The following RGS21 variants were observed in gnomAD, a reference collection of about 807,000 sequenced individuals.
RGS21 encodes the protein regulator of G-protein signalling 21.
In RGS21, 19 loss-of-function variants were observed where a neutral mutation model predicts 18.7. The ratio of observed to expected loss-of-function variants is 1.01; its 90% CI spans 0.71 to 1.49. The LOEUF (loss-of-function observed/expected upper bound fraction) is 1.49, where lower values mean the gene tolerates loss of function less well. Among genes scored for constraint, RGS21 ranks in the 40% most tolerant of loss-of-function variants. The pLI is 0.00. For synonymous variants in RGS21, 56 were observed against 57.8 expected, an observed-to-expected ratio of 0.97 and a Z score of 0.14; for missense variants, 194 against 176.8, an observed-to-expected ratio of 1.10 and a Z score of -0.55.
intron 4 of RGS21, among the ~76,000 whole-genome samples, chr1:192,363,205 C>T (rs1470054483): frequency 6.6e-6 from 1 of 152,030 alleles, no homozygotes; most frequent in African/African-American, 2.4e-5. Context: ...CCATGAATGC[C>T]AAAATCATGG....
intron 1 of RGS21, among the ~76,000 whole-genome samples, chr1:192,333,137 A>C (rs145374641): frequency 6.6e-6 from 1 of 152,098 alleles, no homozygotes; most frequent in African/African-American, 2.4e-5. Context: ...CGATCTAGGT[A>C]ATAGAACAGA....
chr1:192,343,927 C>T (rs1022562762), intron 2 of RGS21, among the ~76,000 whole-genome samples: 1 of 152,016 alleles, frequency 6.6e-6, no homozygotes, highest in Non-Finnish European at 1.5e-5. Context: ...TCAACCAAGT[C>T]AGTAGAGTTT....
At chr1:192,330,361 T>G (rs1236257007) in intron 1 of RGS21, among the ~76,000 whole-genome samples, 1 of 152,082 alleles carries the variant, frequency 6.6e-6, no homozygotes, top group Admixed American at 6.5e-5. Flanking sequence ...TATGGACAGA[T>G]GTATGAAATG....
intron 1 of RGS21, among the ~76,000 whole-genome samples, chr1:192,321,286 G>A (rs1379493880): frequency 6.6e-6 from 1 of 151,862 alleles, no homozygotes; most frequent in Non-Finnish European, 1.5e-5. Context: ...CTTTAAAACT[G>A]TCCATCAACT....
chr1:192,359,713 T>G (rs1441992248), intron 4 of RGS21, among the ~76,000 whole-genome samples: 1 of 145,976 alleles, frequency 6.9e-6, no homozygotes, highest in Non-Finnish European at 1.5e-5. Flanking sequence ...GTCTCCTCTT[T>G]AATATTTCAG....
intron 1 of RGS21, among the ~76,000 whole-genome samples, chr1:192,342,067 A>C (rs1331915689): frequency 1.3e-5 from 2 of 151,940 alleles, no homozygotes; most frequent in Non-Finnish European, 2.9e-5. Context: ...GATACTAACC[A>C]TTTCTATAGA....
At position 192,347,310 on chromosome 1, in the gene RGS21, T is replaced by C; in HGVS notation, c.12-3T>C. 1 of 1,580,788 alleles carries C rather than the reference T, an allele frequency of 6.3e-7. No individual in the cohort carries two copies. The highest frequency in any genetic ancestry group is 1.3e-5 in the African/African-American group (1 of 74,376). ...AAGATCACAATGCTATTGTCAAGGT[T>C]AGATGCTGTTTCTACAGGTCACCAA... On this transcript the variant is annotated splice_polypyrimidine_tract_variant and splice_region_variant and intron_variant, in intron 2 of 4. Coordinates refer to ENST00000417209, the MANE Select transcript of RGS21 (RefSeq NM_001039152.3).
chr1:192,342,414 G>A (rs1401558475), intron 1 of RGS21, among the ~76,000 whole-genome samples: 2 of 151,952 alleles, frequency 1.3e-5, no homozygotes, highest in Non-Finnish European at 2.9e-5. Flanking sequence ...GGTTAAAAGA[G>A]AGAAATGTAT....
At chr1:192,326,001 G>A (rs912963161) in intron 1 of RGS21, among the ~76,000 whole-genome samples, 1 of 151,996 alleles carries the variant, frequency 6.6e-6, no homozygotes, top group Non-Finnish European at 1.5e-5. Flanking sequence ...CTATAGGAAT[G>A]ATTTTAATTA....
intron 1 of RGS21, among the ~76,000 whole-genome samples, chr1:192,325,302 T>C (rs749806287): frequency 3.2e-4 from 49 of 152,032 alleles, no homozygotes; most frequent in Non-Finnish European, 6.6e-4. Flanking sequence ...AGGACATGAT[T>C]TGGTTTTTGT....
intron 4 of RGS21, among the ~76,000 whole-genome samples, chr1:192,355,078 C>T (rs1456093159): frequency 1.3e-5 from 2 of 151,618 alleles, no homozygotes; most frequent in Non-Finnish European, 3.0e-5. Context: ...CCCAAATTAA[C>T]AGGGTGTTAG....
At chr1:192,364,601 T>G (rs748147429) in intron 4 of RGS21, among the ~76,000 whole-genome samples, 30 of 152,150 alleles carry the variant, frequency 2.0e-4, no homozygotes, top group Admixed American at 1.3e-4. Flanking sequence ...CAGGTGTCTG[T>G]GCCTATTGTT....
chr1:192,348,506 CAT>C (rs1357218950), intron 3 of RGS21, among the ~76,000 whole-genome samples: 15 of 152,042 alleles, frequency 9.9e-5, no homozygotes, highest in Admixed American at 2.6e-4. Context: ...AATATGAAAA[CAT>C]ATTTAAATGT....
chr1:192,351,266 A>C (rs1659036709), intron 3 of RGS21, among the ~76,000 whole-genome samples: 1 of 152,130 alleles, frequency 6.6e-6, no homozygotes, highest in Non-Finnish European at 1.5e-5. Context: ...TCGCCACATA[A>C]AGGGGAGAAG....
At chr1:192,344,544 C>T (rs757482721) in intron 2 of RGS21, among the ~76,000 whole-genome samples, 6 of 152,040 alleles carry the variant, frequency 3.9e-5, no homozygotes, top group Non-Finnish European at 8.8e-5. Flanking sequence ...CATAGTTGTG[C>T]ATTTTAGTGC....
In RGS21 at chr1:192,355,008, G is replaced by A. The variant is rs1208395984; in HGVS notation, c.255+2795G>A. On this transcript the variant is annotated intron_variant, in intron 4 of 4. Coordinates refer to ENST00000417209, the MANE Select transcript of RGS21 (RefSeq NM_001039152.3). ...ATTGAACTTTCAGGTCTCTATGAGA[G>A]ATGATAATTTCAGCTGGATTTTATG... 2.0e-5 allele frequency among the ~76,000 whole-genome samples: 3 copies of A among 151,776 alleles called. No individual in the cohort carries two copies. In the East Asian group the frequency reaches 5.8e-4, roughly 29 times the overall value.
chr1:192,351,819 AT>A (rs1319185844), intron 3 of RGS21, among the ~76,000 whole-genome samples: 3 of 147,974 alleles, frequency 2.0e-5, no homozygotes, highest in Non-Finnish European at 4.5e-5. Context: ...TATATGTGCT[AT>A]ATATGTGTTA....
chr1:192,331,199 C>T (rs1453881769), intron 1 of RGS21, among the ~76,000 whole-genome samples: 2 of 152,046 alleles, frequency 1.3e-5, no homozygotes, highest in African/African-American at 2.4e-5. Flanking sequence ...TTATTTTCTC[C>T]CTCGTTTCTG....
chr1:192,359,655 G>GTGTA (rs1553241170), intron 4 of RGS21, among the ~76,000 whole-genome samples: 5 of 124,274 alleles, frequency 4.0e-5, no homozygotes, highest in African/African-American at 6.0e-5. Context: ...GTGTGTGTGT[G>GTGTA]TATATATATA....
Sources: allele counts gnomAD v4.1 joint callset (sites outside exome capture counted in the v4.1 genomes callset), GRCh38; gene constraint gnomAD v4.1.1; transcripts MANE v1.5; gene names NCBI Gene and HGNC (gene_info 2026-07-23, HGNC 2026-07-21).